VAMP3: variants seen among roughly 807,000 people sequenced by gnomAD.
VAMP3 encodes vesicle-associated membrane protein 3.
In VAMP3, 11 loss-of-function variants were observed where a neutral mutation model predicts 18.1. The ratio of observed to expected loss-of-function variants is 0.61; its 90% CI spans 0.38 to 1.00. The LOEUF is 1.00. Among genes scored for constraint, VAMP3 ranks in the 50% least tolerant of loss-of-function variants. The pLI is 0.01. For synonymous variants in VAMP3, 49 were observed against 43.1 expected (o/e 1.14, Z -0.53); for missense variants, 122 against 127.3 (o/e 0.96, Z 0.20).
chr1:7,779,808 C>A lies in VAMP3; in HGVS notation c.*163C>A. 1 of 888,764 alleles carries A rather than the reference C, an allele frequency of 1.1e-6. No individual in the cohort carries two copies. The highest frequency in any genetic ancestry group is 1.7e-6 in the Non-Finnish European group (1 of 584,996). 55.1% of individuals were successfully genotyped at this position (888,764 alleles called of 1,614,324 possible). A position where few individuals can be genotyped will look rare whatever the true frequency, so the allele number is the denominator to read the frequency against. ...ACGTGCCTTTGTTTTTTAATATGCA[C>A]TCCAAATTAGAAGGCCGGCCCCGTC... On this transcript the variant is annotated 3_prime_UTR_variant, in exon 5 of 5. Coordinates refer to ENST00000054666, the MANE Select transcript of VAMP3 (RefSeq NM_004781.4).
At position 7,778,788 on chromosome 1, in the gene VAMP3, C is replaced by T. The variant is rs143041819; in HGVS notation, c.283+619C>T. On this transcript the variant is annotated intron_variant, in intron 4 of 4. Transcript: ENST00000054666. Reference sequence around the variant, plus strand: ...CTCCACCACCATCCAGCTGTATGGCCGTGGACAAGCAATTTAATATCTCTG... The same window carrying T: ...CTCCACCACCATCCAGCTGTATGGCTGTGGACAAGCAATTTAATATCTCTG... 9.7e-4 allele frequency among the ~76,000 whole-genome samples: 147 copies of T among 152,268 alleles called. 1 individual carries two copies. In the East Asian group the frequency reaches 0.025, roughly 26 times the overall value.
In VAMP3 at chr1:7,777,238, G is replaced by A; in HGVS notation, c.151G>A (p.Asp51Asn). The change falls in exon 3 of 5, where the codon GAC becomes AAC. Residue 51 changes from aspartate to asparagine, a missense_variant. Physicochemically the swap from Asp to Asn is conservative, Grantham distance 23 (BLOSUM62 1). Transcript: ENST00000054666. ...GCTCTCTGAGTTAGACGACCGTGCA[G>A]ACGCACTGCAGGCAGGCGCTTCTCA... is the stretch of plus-strand genomic sequence containing the variant. ...QKLSELDDRADALQAGASQFE... is the reference protein window; with the variant it reads ...QKLSELDDRANALQAGASQFE... 6.2e-7 allele frequency: 1 copy of A among 1,613,920 alleles called. No individual in the cohort carries two copies.
chr1:7,778,222 G>C (rs770056790), intron 4 of VAMP3, 53 bp downstream of exon 4: 20 of 1,592,766 alleles, frequency 1.3e-5, no homozygotes, highest in Admixed American at 3.3e-5. Flanking sequence ...TGTGTTCACA[G>C]ACCATTGATT....
intron 2 of VAMP3, among the ~76,000 whole-genome samples, chr1:7,774,926 T>C (rs2097053497): frequency 6.6e-6 from 1 of 152,208 alleles, no homozygotes; most frequent in Non-Finnish European, 1.5e-5. Context: ...TACCTAGGAG[T>C]AGCATTGCTA....
intron 2 of VAMP3, among the ~76,000 whole-genome samples, chr1:7,775,328 C>CATTTTTTTT (rs933342743): frequency 1.3e-5 from 2 of 151,712 alleles, no homozygotes; most frequent in African/African-American, 2.4e-5. Context: ...TTGTCTTTTA[C>CATTTTTTTT]ATTTTTTTTA....
chr1:7,778,277 T>C, intron 4 of VAMP3, 108 bp downstream of exon 4: 1 of 1,439,484 alleles, frequency 6.9e-7, no homozygotes, highest in Non-Finnish European at 9.7e-7. Flanking sequence ...GAAATGTTAG[T>C]TTTGGCTAGG....
rs200578204 is a variant in VAMP3 at position 7,777,334 on chromosome 1, C to T, written c.231+16C>T. ...GAATTGCAAGGTAATTATCTTTTAA[C>T]TGACCTTTACATTTAACCCCCCTTC... On this transcript the variant is annotated intron_variant, in intron 3 of 4. Coordinates refer to ENST00000054666, the MANE Select transcript of VAMP3 (RefSeq NM_004781.4). 166 of 1,604,212 alleles carry T rather than the reference C, an allele frequency of 1.0e-4. No homozygotes were observed. The East Asian group carries it at 3.4e-3, about 33-fold the overall frequency.
Position 7,778,148 on chromosome 1 carries a change from A to G in VAMP3, c.262A>G (p.Ile88Val). 1 of 1,614,232 alleles carries G rather than the reference A, an allele frequency of 6.2e-7. No individual in the cohort carries two copies. Among genetic ancestry groups the G allele is most frequent in the African/African-American group, 1.3e-5 (1 of 75,066 alleles). ...MWAIGITVLV[I>V]FIIIIIVWVV... ...GGCAATCGGGATTACTGTTCTGGTTATCTTCATCATCATCATCATCGGTGA... is the reference window on the plus strand; with the variant it reads ...GGCAATCGGGATTACTGTTCTGGTTGTCTTCATCATCATCATCATCGGTGA... The change falls in exon 4 of 5, where the codon ATC (isoleucine) becomes GTC (valine). Residue 88 changes from isoleucine to valine, a missense_variant. Ile to Val is a conservative substitution (Grantham distance 29). Transcript: ENST00000054666.
At position 7,779,769 on chromosome 1, in the gene VAMP3, T is replaced by G. The variant is rs1420252777; in HGVS notation, c.*124T>G. On this transcript the variant is annotated 3_prime_UTR_variant, in exon 5 of 5. Transcript: ENST00000054666. Reference sequence around the variant, plus strand: ...AATTTTTTTTGTGTTAATGTAAAGTTGAATTTCTAGGAAACGTGCCTTTGT... The same window carrying G: ...AATTTTTTTTGTGTTAATGTAAAGTGGAATTTCTAGGAAACGTGCCTTTGT... 1.5e-6 allele frequency: 2 copies of G among 1,354,018 alleles called. No individual in the cohort carries two copies. The highest frequency in any genetic ancestry group is 2.1e-6 in the Non-Finnish European group (2 of 971,260). The allele number at this position is 1,354,018 out of a possible 1,614,324, so 83.9% of individuals were successfully genotyped here.
chr1:7,778,047 T>C, intron 3 of VAMP3, 71 bp from the exon 4 acceptor site: 1 of 1,515,518 alleles, frequency 6.6e-7, no homozygotes, highest in Non-Finnish European at 9.2e-7. Flanking sequence ...AGATGAATAT[T>C]ATATAATACT....
At position 7,773,482 on chromosome 1, in the gene VAMP3, C is replaced by T; in HGVS notation, c.43C>T (p.Leu15Phe). Reference sequence around the variant, plus strand: ...TGCTGCCACTGGCAGTAATCGAAGACTTCAGCAGACACAAAATCAAGTAGA... The same window carrying T: ...TGCTGCCACTGGCAGTAATCGAAGATTTCAGCAGACACAAAATCAAGTAGA... Reference protein sequence around the residue: ...PTAATGSNRRLQQTQNQVDEV... With the variant: ...PTAATGSNRRFQQTQNQVDEV... The change falls in exon 2 of 5, where the codon CTT (leucine) becomes TTT (phenylalanine). Residue 15 changes from leucine (L) to phenylalanine (F), a missense_variant. Coordinates refer to ENST00000054666, the MANE Select transcript of VAMP3 (RefSeq NM_004781.4). 6.2e-7 allele frequency: 1 copy of T among 1,614,086 alleles called. No homozygotes were observed. Among genetic ancestry groups the T allele is most frequent in the South Asian group, 1.1e-5 (1 of 91,072 alleles).
At chr1:7,779,297 C>T (rs1167033950) in intron 4 of VAMP3, among the ~76,000 whole-genome samples, 1 of 152,036 alleles carries the variant, frequency 6.6e-6, no homozygotes, top group Non-Finnish European at 1.5e-5. Flanking sequence ...TATACACAAA[C>T]ACACACACAA....
At chr1:7,779,522 T>C in intron 4 of VAMP3, 104 bp from the exon 5 acceptor site, 1 of 1,531,958 alleles carries the variant, frequency 6.5e-7, no homozygotes, top group Non-Finnish European at 9.0e-7. Flanking sequence ...CCAGTCTAAT[T>C]TCTGATCACA....
intron 4 of VAMP3, among the ~76,000 whole-genome samples, chr1:7,778,491 G>A (rs915157416): frequency 7.9e-5 from 12 of 151,910 alleles, no homozygotes; most frequent in Admixed American, 7.9e-4. Context: ...CCATGATCAT[G>A]CCACTGCCCT....
At chr1:7,772,209 A>T (rs1156412706) in intron 1 of VAMP3, among the ~76,000 whole-genome samples, 1 of 152,226 alleles carries the variant, frequency 6.6e-6, no homozygotes, top group South Asian at 2.1e-4. Flanking sequence ...TCAGAGAGTT[A>T]TGAGGGTTAA....
At chr1:7,771,747 G>A (rs2097051114) in intron 1 of VAMP3, among the ~76,000 whole-genome samples, 1 of 152,246 alleles carries the variant, frequency 6.6e-6, no homozygotes, top group African/African-American at 2.4e-5. Context: ...TCGGCCCGGT[G>A]CTGCGCTGGG....
At position 7,781,305 on chromosome 1, in the gene VAMP3, G is replaced by T. The variant is rs1353675814; in HGVS notation, c.*1660G>T. 4.6e-5 allele frequency: 7 copies of T among 152,814 alleles called. No homozygotes were observed. Among genetic ancestry groups the T allele is most frequent in the African/African-American group, 1.7e-4 (7 of 41,436 alleles). 9.5% of individuals were successfully genotyped at this position (152,814 alleles called of 1,614,324 possible). On this transcript the variant is annotated 3_prime_UTR_variant, in exon 5 of 5. Transcript: ENST00000054666. ...CAGAAACCTTGGTACTCGCCCCTTG[G>T]CCACAGTGCCCAGACCCATGTAACC...
At chr1:7,773,922 A>G (rs2150365504) in intron 2 of VAMP3, among the ~76,000 whole-genome samples, 1 of 152,132 alleles carries the variant, frequency 6.6e-6, no homozygotes, top group East Asian at 1.9e-4. Context: ...CTTCTTACTA[A>G]TTGTCCAGCC....
rs1030429866 is a variant in VAMP3 at position 7,780,671 on chromosome 1, A to C, written c.*1026A>C. ...GTAGCCTCAAGTAAGACCACCTGTG[A>C]ACTTGATCATTATCTGGCCCAAATA... On this transcript the variant is annotated 3_prime_UTR_variant, in exon 5 of 5. Transcript: ENST00000054666. 6.6e-6 allele frequency: 1 copy of C among 152,370 alleles called. No individual in the cohort carries two copies. Among genetic ancestry groups the C allele is most frequent in the African/African-American group, 2.4e-5 (1 of 41,446 alleles). 9.4% of individuals were successfully genotyped at this position (152,370 alleles called of 1,614,324 possible). A position where few individuals can be genotyped will look rare whatever the true frequency, so the allele number is the denominator to read the frequency against.
Sources: gnomAD v4.1 joint callset for allele counts (sites outside exome capture counted in the v4.1 genomes callset) on GRCh38, gnomAD v4.1.1 for gene constraint, MANE v1.5 for transcripts, NCBI Gene and HGNC (gene_info 2026-07-23, HGNC 2026-07-21) for gene names.